The following ANXA3 variants were observed in gnomAD, a reference collection of about 807,000 sequenced individuals.
ANXA3 encodes the protein annexin A3, also known as 35-alpha calcimedin.
A neutral mutation model predicts 48.8 loss-of-function variants in ANXA3; 46 were observed. That is an observed-to-expected ratio of 0.94 (90% confidence interval 0.74 to 1.21). The LOEUF (loss-of-function observed/expected upper bound fraction) is 1.21. ANXA3 is among the 50% of genes most tolerant of loss of function. The pLI is 0.00. For missense variants in ANXA3, 383 were observed against 378.6 expected (o/e 1.01, Z -0.10); for synonymous variants, 128 against 134.7 (o/e 0.95, Z 0.35).
Position 78,572,173 on chromosome 4 carries a change from T to C in ANXA3, c.16-1007T>C, listed in dbSNP as rs554477557. Among the ~76,000 whole-genome samples the C allele has an allele frequency of 2.0e-5, 3 of 152,358 alleles. No homozygotes were observed. In the East Asian group the frequency reaches 5.8e-4, roughly 29 times the overall value. On this transcript the variant is annotated intron_variant, in intron 2 of 12. Coordinates refer to ENST00000264908, the MANE Select transcript of ANXA3 (RefSeq NM_005139.3). ...CTGCAAATGCTACTTTAAAACAAAT[T>C]TTCTTCAGTGTCACCAAGATTAACA... is the stretch of plus-strand genomic sequence containing the variant.
intron 3 of ANXA3, among the ~76,000 whole-genome samples, chr4:78,575,273 T>C (rs1722923686): frequency 6.6e-6 from 1 of 152,176 alleles, no homozygotes; most frequent in South Asian, 2.1e-4. Context: ...TTAAAAAATA[T>C]TACAAGCCAT....
chr4:78,607,392 A>T (rs1723671066), intron 12 of ANXA3, among the ~76,000 whole-genome samples: 1 of 151,970 alleles, frequency 6.6e-6, no homozygotes, highest in Non-Finnish European at 1.5e-5. Context: ...CCTTCCACCT[A>T]TTGTTTAGAC....
intron 2 of ANXA3, among the ~76,000 whole-genome samples, chr4:78,558,393 A>G (rs1267922968): frequency 6.6e-6 from 1 of 152,266 alleles, no homozygotes; most frequent in Admixed American, 6.5e-5. Flanking sequence ...TTCCAATTGT[A>G]AACATTCTTA....
intron 6 of ANXA3, among the ~76,000 whole-genome samples, chr4:78,586,847 C>T (rs1156977151): frequency 2.6e-5 from 4 of 152,176 alleles, no homozygotes; most frequent in Non-Finnish European, 5.9e-5. Flanking sequence ...TGTAACTACC[C>T]AGGGTTAGTG....
chr4:78,597,211 G>GT, intron 9 of ANXA3, 108 bp from the exon 10 acceptor site: 1 of 701,952 alleles, frequency 1.4e-6, no homozygotes. Context: ...TAAAGAGGGA[G>GT]TTTTTTAGCT....
intron 2 of ANXA3, among the ~76,000 whole-genome samples, chr4:78,556,729 A>G (rs1234094624): frequency 6.6e-6 from 1 of 152,084 alleles, no homozygotes; most frequent in Non-Finnish European, 1.5e-5. Context: ...ATATCATAGA[A>G]TCAGATGAAA....
At chr4:78,570,231 T>A (rs1320170380) in intron 2 of ANXA3, among the ~76,000 whole-genome samples, 2 of 152,218 alleles carry the variant, frequency 1.3e-5, no homozygotes, top group African/African-American at 4.8e-5. Context: ...CCCCATTTAA[T>A]TCTTGCTAAG....
intron 1 of ANXA3, chr4:78,554,192 A>AT (rs148563174): frequency 0.02 from 7,476 of 368,374 alleles, 507 homozygotes; most frequent in African/African-American, 0.14. Flanking sequence ...AAGTACAAAG[A>AT]TTTTTTTCTG....
intron 5 of ANXA3, among the ~76,000 whole-genome samples, chr4:78,585,246 T>A (rs1723147474): frequency 1.3e-5 from 2 of 152,224 alleles, no homozygotes; most frequent in African/African-American, 2.4e-5. Flanking sequence ...ATTAGAACAG[T>A]TTCTCTTTTA....
In ANXA3 at chr4:78,606,389, A is replaced by G. The variant is rs535787248; in HGVS notation, c.912+1990A>G. Reference sequence around the variant, plus strand: ...GCTGATTAGACCCCCTAAGCTGTGGATCATTATGCACCATGCACATCCTGA... The same window carrying G: ...GCTGATTAGACCCCCTAAGCTGTGGGTCATTATGCACCATGCACATCCTGA... On this transcript the variant is annotated intron_variant, in intron 12 of 12. Transcript: ENST00000264908. Among the ~76,000 whole-genome samples the G allele has an allele frequency of 2.0e-5, 3 of 152,224 alleles. No individual in the cohort carries two copies. In the South Asian group the frequency reaches 6.2e-4, roughly 32 times the overall value.
chr4:78,609,656 C>A (rs1047869885), intron 12 of ANXA3, among the ~76,000 whole-genome samples: 1 of 152,096 alleles, frequency 6.6e-6, no homozygotes, highest in Non-Finnish European at 1.5e-5. Flanking sequence ...ACGTATAGTA[C>A]CTATTGCAGA....
intron 9 of ANXA3, 194 bp from the exon 10 acceptor site, chr4:78,597,125 G>C (rs560067429): frequency 8.2e-6 from 4 of 488,792 alleles, no homozygotes; most frequent in Non-Finnish European, 1.4e-5. Context: ...TAGGGAGTTT[G>C]GGTTTTGTTG....
At chr4:78,589,126 T>C (rs1366503271) in intron 6 of ANXA3, among the ~76,000 whole-genome samples, 1 of 152,180 alleles carries the variant, frequency 6.6e-6, no homozygotes, top group East Asian at 1.9e-4. Context: ...CACTGCTGTA[T>C]CCTCAGTTCT....
chr4:78,598,365 C>T (rs1714861956), intron 10 of ANXA3, among the ~76,000 whole-genome samples: 1 of 151,148 alleles, frequency 6.6e-6, no homozygotes, highest in Admixed American at 6.6e-5. Context: ...AATCTCAGCT[C>T]ATTGTTGACT....
intron 2 of ANXA3, among the ~76,000 whole-genome samples, chr4:78,566,028 C>CT (rs1286706250): frequency 6.6e-6 from 1 of 152,138 alleles, no homozygotes; most frequent in Non-Finnish European, 1.5e-5. Context: ...GAGAGAGCCA[C>CT]TTTCCACTTT....
intron 2 of ANXA3, among the ~76,000 whole-genome samples, chr4:78,567,254 G>T (rs566078616): frequency 2.0e-5 from 3 of 152,192 alleles, no homozygotes; most frequent in Non-Finnish European, 4.4e-5. Flanking sequence ...TGCTGGTTTC[G>T]AATGACATGA....
At chr4:78,595,581 G>A (rs1030329518) in intron 8 of ANXA3, 144 bp downstream of exon 8, 3 of 1,006,908 alleles carry the variant, frequency 3.0e-6, no homozygotes, top group Non-Finnish European at 2.9e-6. Context: ...CCTGAAGCTT[G>A]GGGATCGGAA....
intron 10 of ANXA3, among the ~76,000 whole-genome samples, chr4:78,599,799 C>T (rs1325566736): frequency 6.6e-6 from 1 of 151,902 alleles, no homozygotes; most frequent in Admixed American, 6.6e-5. Context: ...TTGGTGGACG[C>T]CTGTAGTCCC....
chr4:78,573,898 A>G (rs1722893450), intron 3 of ANXA3, among the ~76,000 whole-genome samples: 2 of 152,164 alleles, frequency 1.3e-5, no homozygotes, highest in African/African-American at 4.8e-5. Context: ...ATCCAGCGCC[A>G]TGTTGGGTCC....
Sources: gnomAD v4.1 joint callset for allele counts (sites outside exome capture counted in the v4.1 genomes callset) on GRCh38, gnomAD v4.1.1 for gene constraint, MANE v1.5 for transcripts, NCBI Gene and HGNC (gene_info 2026-07-23, HGNC 2026-07-21) for gene names.